ANKRD17: variants seen among roughly 807,000 people sequenced by gnomAD.
ANKRD17 encodes the protein ankyrin repeat domain-containing protein 17.
In ANKRD17, 19 loss-of-function variants were observed where a neutral mutation model predicts 229.7. The ratio of observed to expected loss-of-function variants is 0.08; its 90% CI spans 0.06 to 0.12. The LOEUF is 0.12. Among genes scored for constraint, ANKRD17 ranks in the 10% least tolerant of loss-of-function variants. The probability of loss-of-function intolerance (pLI) is 1.00; values close to 1 mark genes in which losing one functional copy is unlikely to be tolerated. For missense variants in ANKRD17, 2,176 were observed against 3,176.8 expected (o/e 0.68, Z 7.57); for synonymous variants, 1,112 against 1,146.1 (o/e 0.97, Z 0.60).
intron 1 of ANKRD17, among the ~76,000 whole-genome samples, chr4:73,226,604 A>G (rs1353788164): frequency 6.6e-6 from 1 of 151,722 alleles, no homozygotes; most frequent in East Asian, 1.9e-4. Flanking sequence ...CATGTTGACC[A>G]GGCTGGTCTT....
chr4:73,107,722 G>A lies in ANKRD17; in HGVS notation c.4402-5175C>T, dbSNP rs534883873. Among the ~76,000 whole-genome samples, 12 of 152,262 alleles carry A rather than the reference G, an allele frequency of 7.9e-5. No individual in the cohort carries two copies. In the South Asian group the frequency reaches 2.1e-3, roughly 26 times the overall value. On this transcript the variant is annotated intron_variant, in intron 24 of 33. Transcript: ENST00000358602. ...ACCCAGTATATTCAAGTAAGCTAGC[G>A]TGGCTAAGAACAGTAGCAAATGAGT...
rs765384466 is a variant in ANKRD17, at chr4:73,154,067, A to G, written c.1047T>C (p.Val349=). The part of the protein sequence containing the change: ...TYACAGGYVD[V]VKVLLESGAS... ...CACCGGATTCCAAGAGCACCTTTAC[A>G]ACATCTACATAGCCTCCAGCACAAG... Residue 349 remains valine (V), a synonymous_variant, in exon 6 of 34, where the codon GTT becomes GTC. Coordinates refer to ENST00000358602, the MANE Select transcript of ANKRD17 (RefSeq NM_032217.5). The G allele has an allele frequency of 1.7e-5, 27 of 1,611,898 alleles. No individual in the cohort carries two copies. Among genetic ancestry groups the G allele is most frequent in the Non-Finnish European group, 2.3e-5 (27 of 1,179,196 alleles).
intron 31 of ANKRD17, 60 bp from the exon 32 acceptor site, chr4:73,077,593 TTTTG>T (rs1300569299): frequency 5.5e-5 from 79 of 1,426,294 alleles, no homozygotes; most frequent in Non-Finnish European, 6.9e-5. Flanking sequence ...AAATCAAATA[TTTTG>T]TTTTTCTAAT....
At chr4:73,181,024 A>C (rs1735476350) in intron 1 of ANKRD17, among the ~76,000 whole-genome samples, 1 of 152,218 alleles carries the variant, frequency 6.6e-6, no homozygotes, top group Non-Finnish European at 1.5e-5. Context: ...AATAAGTCAG[A>C]ATCTGTAAAG....
intron 1 of ANKRD17, among the ~76,000 whole-genome samples, chr4:73,194,711 C>T (rs952020666): frequency 6.6e-6 from 1 of 152,078 alleles, no homozygotes; most frequent in African/African-American, 2.4e-5. Context: ...TGTAATACAG[C>T]TGAAACATCT....
In ANKRD17 at chr4:73,125,258, C is replaced by T. The variant is rs1727281104; in HGVS notation, c.3289G>A (p.Glu1097Lys). 6.2e-7 allele frequency: 1 copy of T among 1,613,880 alleles called. No individual in the cohort carries two copies. Among genetic ancestry groups the T allele is most frequent in the African/African-American group, 1.3e-5 (1 of 74,866 alleles). Residue 1097 changes from glutamate (E) to lysine (K), a missense_variant, in exon 17 of 34, where the codon GAA (glutamate) becomes AAA (lysine). Physicochemically the swap from Glu to Lys is moderately conservative, Grantham distance 56. This residue lies in a region of ANKRD17 where 178 missense variants were observed against 421.7 expected (regional missense o/e 0.42). Transcript: ENST00000358602. ...LTLACAGGHE[E>K]LVQTLLERGA... ...CTCTCTAGCAGTGTTTGTACCAGTTCCTCGTGGCCACCAGCACAGGCAAGT... is the reference window on the plus strand; with the variant it reads ...CTCTCTAGCAGTGTTTGTACCAGTTTCTCGTGGCCACCAGCACAGGCAAGT...
chr4:73,184,850 C>T (rs889706617), intron 1 of ANKRD17, among the ~76,000 whole-genome samples: 5 of 152,146 alleles, frequency 3.3e-5, no homozygotes, highest in African/African-American at 1.2e-4. Context: ...AGCAATGATG[C>T]TTCAGGAAGA....
intron 1 of ANKRD17, among the ~76,000 whole-genome samples, chr4:73,189,403 G>GC (rs71935426): frequency 8.9e-6 from 1 of 112,700 alleles, no homozygotes; most frequent in African/African-American, 3.5e-5. Context: ...TGCCTGGAAT[G>GC]TTTTTTTTTT....
intron 24 of ANKRD17, among the ~76,000 whole-genome samples, chr4:73,105,648 G>C (rs569570955): frequency 6.6e-6 from 1 of 152,176 alleles, no homozygotes; most frequent in Non-Finnish European, 1.5e-5. Flanking sequence ...GGATTTGTCA[G>C]TTAAGATGCC....
intron 24 of ANKRD17, among the ~76,000 whole-genome samples, chr4:73,107,246 C>A (rs1364295749): frequency 6.6e-6 from 1 of 152,070 alleles, no homozygotes; most frequent in Non-Finnish European, 1.5e-5. Context: ...TAATTGAGAA[C>A]CTAAAAGTAG....
intron 30 of ANKRD17, among the ~76,000 whole-genome samples, chr4:73,085,014 C>T (rs999184434): frequency 6.6e-6 from 1 of 151,816 alleles, no homozygotes; most frequent in African/African-American, 2.4e-5. Flanking sequence ...GAGCCTGTCT[C>T]TAATAAAAAT....
At chr4:73,235,169 G>A (rs1743389644) in intron 1 of ANKRD17, among the ~76,000 whole-genome samples, 1 of 151,984 alleles carries the variant, frequency 6.6e-6, no homozygotes, top group Admixed American at 6.6e-5. Flanking sequence ...CTTTTTTATG[G>A]GGAATGTATT....
intron 1 of ANKRD17, among the ~76,000 whole-genome samples, chr4:73,180,709 TCCTC>T (rs1735432936): frequency 6.6e-6 from 1 of 152,202 alleles, no homozygotes; most frequent in Admixed American, 6.5e-5. Context: ...ATTTATTATT[TCCTC>T]CCTATCCCTC....
intron 24 of ANKRD17, chr4:73,113,292 G>A (rs979630167): frequency 2.6e-5 from 34 of 1,289,170 alleles, no homozygotes; most frequent in Non-Finnish European, 3.2e-5. Flanking sequence ...GGAATAGATG[G>A]GAATGATGTT....
intron 22 of ANKRD17, among the ~76,000 whole-genome samples, chr4:73,118,477 G>T (rs1726273653): frequency 6.6e-6 from 1 of 151,424 alleles, no homozygotes; most frequent in Non-Finnish European, 1.5e-5. Context: ...AGTTTACTTA[G>T]CTCTGATGTC....
chr4:73,144,784 C>A lies in ANKRD17; in HGVS notation c.1918G>T (p.Ala640Ser). The A allele has an allele frequency of 6.2e-7, 1 of 1,605,714 alleles. No homozygotes were observed. Among genetic ancestry groups the A allele is most frequent in the Non-Finnish European group, 8.5e-7 (1 of 1,177,124 alleles). ...AACTGAACAGTACAAACATGACCAG[C>A]TCTTGCAGCTTTCATTAAAGGAGTT... ...GRTPLMKAAR[A>S]GHVCTVQFLI... Residue 640 changes from alanine to serine, a missense_variant, in exon 11 of 34, where the codon GCT becomes TCT. By Grantham distance (99) the Ala-to-Ser change is moderately conservative. Coordinates refer to ENST00000358602, the MANE Select transcript of ANKRD17 (RefSeq NM_032217.5).
At chr4:73,234,457 TA>T (rs1743331092) in intron 1 of ANKRD17, among the ~76,000 whole-genome samples, 1 of 152,230 alleles carries the variant, frequency 6.6e-6, no homozygotes, top group South Asian at 2.1e-4. Context: ...ATTGTCTGAT[TA>T]TCCCTGTCTG....
intron 2 of ANKRD17, among the ~76,000 whole-genome samples, chr4:73,175,655 A>G (rs1734640306): frequency 1.3e-5 from 2 of 152,310 alleles, no homozygotes; most frequent in East Asian, 1.9e-4. Context: ...AAATCCATAC[A>G]TCTACAGCCA....
intron 24 of ANKRD17, among the ~76,000 whole-genome samples, chr4:73,110,820 C>T (rs1725221644): frequency 6.6e-6 from 1 of 152,106 alleles, no homozygotes; most frequent in Non-Finnish European, 1.5e-5. Context: ...AATGCATGTG[C>T]AGGAATCAAT....
Sources: gnomAD v4.1 joint callset for allele counts (sites outside exome capture counted in the v4.1 genomes callset) on GRCh38, gnomAD v4.1.1 for gene constraint, gnomAD v4.1.1 regional missense constraint, MANE v1.5 for transcripts, NCBI Gene and HGNC (gene_info 2026-07-23, HGNC 2026-07-21) for gene names.